Variants in LHFPL6 observed in about 807,000 individuals in gnomAD.
LHFPL6 encodes LHFPL tetraspan subfamily member 6.
LHFPL6 carries 9 observed loss-of-function variants against 20.6 expected under a neutral mutation model. The observed-to-expected ratio is 0.44, with a 90% CI of 0.26 to 0.76. LHFPL6 has a LOEUF of 0.76. Ranked by LOEUF, LHFPL6 falls within the 30% of genes least tolerant of loss-of-function variation. The pLI is 0.20. For synonymous variants in LHFPL6, 105 were observed against 98.7 expected (o/e 1.06, Z -0.38); for missense variants, 218 against 253.5 (o/e 0.86, Z 0.95).
intron 2 of LHFPL6, among the ~76,000 whole-genome samples, chr13:39,426,029 T>C (rs1871627021): frequency 6.6e-6 from 1 of 152,068 alleles, no homozygotes; most frequent in African/African-American, 2.4e-5. Flanking sequence ...AAATTTGCTA[T>C]TTTCACTATT....
At chr13:39,472,648 G>A (rs9576812) in intron 2 of LHFPL6, among the ~76,000 whole-genome samples, 68,651 of 151,604 alleles carry the variant, frequency 0.45, 16,055 homozygotes, top group African/African-American at 0.57. Context: ...TCACTCTGTC[G>A]CCCAGGCTGG....
intron 2 of LHFPL6, among the ~76,000 whole-genome samples, chr13:39,440,990 C>T (rs183988765): frequency 6.6e-6 from 1 of 152,086 alleles, no homozygotes. Flanking sequence ...AGGCCTCCCC[C>T]CCAGCCATGC....
intron 2 of LHFPL6, among the ~76,000 whole-genome samples, chr13:39,589,579 A>C (rs751691474): frequency 6.6e-6 from 1 of 152,238 alleles, no homozygotes; most frequent in Non-Finnish European, 1.5e-5. Flanking sequence ...TAAAATTTCC[A>C]TTTGTTTCTA....
chr13:39,519,139 G>A (rs1870024180), intron 2 of LHFPL6, among the ~76,000 whole-genome samples: 1 of 152,106 alleles, frequency 6.6e-6, no homozygotes, highest in Non-Finnish European at 1.5e-5. Flanking sequence ...GGGAGGCTGA[G>A]GCAGAAGAAC....
chr13:39,499,769 G>A (rs1170908533), intron 2 of LHFPL6, among the ~76,000 whole-genome samples: 4 of 152,222 alleles, frequency 2.6e-5, no homozygotes. Flanking sequence ...CTTTGCCAGA[G>A]CCCCTGGATC....
intron 3 of LHFPL6, among the ~76,000 whole-genome samples, chr13:39,345,734 G>A (rs779987748): frequency 1.3e-5 from 2 of 151,976 alleles, no homozygotes; most frequent in African/African-American, 2.4e-5. Context: ...TCATAAAGAC[G>A]TTTATCTCAT....
chr13:39,424,401 C>A (rs934632487), intron 2 of LHFPL6, among the ~76,000 whole-genome samples: 2 of 152,040 alleles, frequency 1.3e-5, no homozygotes, highest in Non-Finnish European at 2.9e-5. Flanking sequence ...AAATGAGAAA[C>A]ACCAGGTAGG....
chr13:39,558,782 T>C, intron 2 of LHFPL6, among the ~76,000 whole-genome samples: 1 of 152,210 alleles, frequency 6.6e-6, no homozygotes, highest in Non-Finnish European at 1.5e-5. Flanking sequence ...CAGGATACCC[T>C]ATTTTAGGAA....
At chr13:39,376,777 TA>T (rs1194116235) in intron 3 of LHFPL6, among the ~76,000 whole-genome samples, 23 of 152,348 alleles carry the variant, frequency 1.5e-4, no homozygotes, top group African/African-American at 5.5e-4. Flanking sequence ...TCTAAGTTAG[TA>T]ACTGACTATG....
chr13:39,598,689 G>A (rs1872840962), intron 2 of LHFPL6, among the ~76,000 whole-genome samples: 2 of 152,036 alleles, frequency 1.3e-5, no homozygotes, highest in Admixed American at 1.3e-4. Context: ...CGAAGTAGCA[G>A]GGACTACAGG....
intron 2 of LHFPL6, among the ~76,000 whole-genome samples, chr13:39,463,308 ATTG>A (rs1872729257): frequency 6.6e-6 from 1 of 152,152 alleles, no homozygotes; most frequent in Non-Finnish European, 1.5e-5. Context: ...CATTTTGTTC[ATTG>A]TTAATTTATA....
chr13:39,439,097 A>G (rs1018902491), intron 2 of LHFPL6, among the ~76,000 whole-genome samples: 5 of 152,190 alleles, frequency 3.3e-5, no homozygotes, highest in African/African-American at 1.2e-4. Flanking sequence ...CAAAGACTCA[A>G]TGGCAAACCT....
chr13:39,358,219 T>C (rs979108206), intron 3 of LHFPL6, among the ~76,000 whole-genome samples: 1 of 152,040 alleles, frequency 6.6e-6, no homozygotes, highest in Admixed American at 6.6e-5. Context: ...TGGAACAGAA[T>C]AGAGAACCTA....
At chr13:39,557,656 G>A (rs901695735) in intron 2 of LHFPL6, among the ~76,000 whole-genome samples, 4 of 152,242 alleles carry the variant, frequency 2.6e-5, no homozygotes, top group Non-Finnish European at 4.4e-5. Flanking sequence ...CATGCAGAAA[G>A]ATATTGTTTG....
chr13:39,414,656 A>AT (rs536657812), intron 2 of LHFPL6, among the ~76,000 whole-genome samples: 153 of 151,784 alleles, frequency 1.0e-3, no homozygotes, highest in East Asian at 4.3e-3. Context: ...CTGTGGGCTT[A>AT]TTTTTTTTGC....
intron 2 of LHFPL6, among the ~76,000 whole-genome samples, chr13:39,433,833 C>A (rs1028871115): frequency 3.9e-5 from 6 of 152,206 alleles, no homozygotes; most frequent in Non-Finnish European, 7.3e-5. Context: ...AACCAGCTCT[C>A]TCAGCCAAGA....
intron 3 of LHFPL6, among the ~76,000 whole-genome samples, chr13:39,374,376 A>C (rs1282931741): frequency 6.6e-6 from 1 of 152,128 alleles, no homozygotes; most frequent in Non-Finnish European, 1.5e-5. Flanking sequence ...ACTGGGGACT[A>C]CTATGAGGGG....
intron 2 of LHFPL6, among the ~76,000 whole-genome samples, chr13:39,398,493 G>C (rs1318117269): frequency 6.6e-6 from 1 of 152,164 alleles, no homozygotes; most frequent in Non-Finnish European, 1.5e-5. Context: ...GCAGAGCAAT[G>C]GTAAGCTGCT....
chr13:39,533,144 T>C (rs1177103676), intron 2 of LHFPL6, among the ~76,000 whole-genome samples: 1 of 152,178 alleles, frequency 6.6e-6, no homozygotes, highest in Non-Finnish European at 1.5e-5. Context: ...CATTTGTATC[T>C]CCAATATTTG....
Sources: gnomAD v4.1 joint callset for allele counts (sites outside exome capture counted in the v4.1 genomes callset) on GRCh38, gnomAD v4.1.1 for gene constraint, MANE v1.5 for transcripts, NCBI Gene and HGNC (gene_info 2026-07-23, HGNC 2026-07-21) for gene names.